The following MAP3K5 variants were observed in gnomAD, a reference collection of about 807,000 sequenced individuals.
MAP3K5 encodes the protein mitogen-activated protein kinase kinase kinase 5, also known as ASK-1.
MAP3K5 carries 56 observed loss-of-function variants against 158.7 expected under a neutral mutation model. The observed-to-expected ratio is 0.35, with a 90% CI of 0.28 to 0.44. MAP3K5 has a LOEUF of 0.44. Ranked by LOEUF, MAP3K5 falls within the 20% of genes least tolerant of loss-of-function variation. The pLI is 1.00. For missense variants in MAP3K5, 1,294 were observed against 1,674.8 expected (o/e 0.77, Z 3.97); for synonymous variants, 579 against 601.7 (o/e 0.96, Z 0.55).
intron 25 of MAP3K5, 73 bp from the exon 26 acceptor site, chr6:136,567,947 C>A (rs527982674): frequency 3.7e-4 from 543 of 1,479,026 alleles, no homozygotes; most frequent in Non-Finnish European, 4.8e-4. Flanking sequence ...GATATGAATG[C>A]TACCCTCCTG....
At chr6:136,668,187 C>G (rs1041032741) in intron 8 of MAP3K5, among the ~76,000 whole-genome samples, 15 of 152,094 alleles carry the variant, frequency 9.9e-5, no homozygotes, top group Non-Finnish European at 1.9e-4. Context: ...CAAGACCAGC[C>G]TGGGCAACAT....
In MAP3K5 at chr6:136,601,002, C is replaced by T. The variant is rs750961637; in HGVS notation, c.2878+20G>A. The T allele has an allele frequency of 1.4e-5, 22 of 1,613,292 alleles. No individual in the cohort carries two copies. The highest frequency in any genetic ancestry group is 1.8e-5 in the Non-Finnish European group (21 of 1,179,784). On this transcript the variant is annotated intron_variant, in intron 21 of 29. Coordinates refer to ENST00000359015, the MANE Select transcript of MAP3K5 (RefSeq NM_005923.4). ...AGACACCAGGTCTCAGCTCAATGGG[C>T]AAAGTAAAAACAAACTCACCATTTG... is the stretch of plus-strand genomic sequence containing the variant.
At chr6:136,779,442 CAAAA>C (rs35110376) in intron 1 of MAP3K5, among the ~76,000 whole-genome samples, 7 of 101,046 alleles carry the variant, frequency 6.9e-5, no homozygotes, top group African/African-American at 3.9e-5. Context: ...CACCCTGTCT[CAAAA>C]AAAAAAAAAA....
intron 17 of MAP3K5, among the ~76,000 whole-genome samples, chr6:136,611,683 C>A (rs1776353151): frequency 1.3e-5 from 2 of 152,150 alleles, no homozygotes; most frequent in Non-Finnish European, 2.9e-5. Context: ...TCCAAACTGC[C>A]CTTGGTCATT....
chr6:136,624,688 T>C (rs1277702190), intron 14 of MAP3K5, among the ~76,000 whole-genome samples: 1 of 152,040 alleles, frequency 6.6e-6, no homozygotes, highest in Non-Finnish European at 1.5e-5. Flanking sequence ...AAAAAGGAAA[T>C]GACCATGGGA....
At chr6:136,730,721 CAAAAAAAAAAAAA>C (rs377188561) in intron 1 of MAP3K5, among the ~76,000 whole-genome samples, 1 of 87,382 alleles carries the variant, frequency 1.1e-5, no homozygotes, top group African/African-American at 6.1e-5. Context: ...AACTCTGCCT[CAAAAAAAAAAAAA>C]AAAAAAAAAG....
At chr6:136,691,166 T>G (rs1405352854) in intron 7 of MAP3K5, among the ~76,000 whole-genome samples, 2 of 152,210 alleles carry the variant, frequency 1.3e-5, no homozygotes, top group Non-Finnish European at 1.5e-5. Flanking sequence ...TTTATGCTCC[T>G]TGGGTTTTGC....
intron 25 of MAP3K5, among the ~76,000 whole-genome samples, chr6:136,576,981 A>G (rs1290045432): frequency 6.6e-6 from 1 of 152,068 alleles, no homozygotes; most frequent in Non-Finnish European, 1.5e-5. Context: ...AGGCTCTGCC[A>G]TCTAGGTTTG....
At chr6:136,790,247 C>A (rs1431865945) in intron 1 of MAP3K5, among the ~76,000 whole-genome samples, 1 of 152,048 alleles carries the variant, frequency 6.6e-6, no homozygotes, top group Non-Finnish European at 1.5e-5. Context: ...AAGTTTCTTT[C>A]AAATTAGCTT....
intron 21 of MAP3K5, among the ~76,000 whole-genome samples, chr6:136,598,212 C>T (rs1214262831): frequency 6.6e-6 from 1 of 152,230 alleles, no homozygotes; most frequent in African/African-American, 2.4e-5. Flanking sequence ...TTCACACATC[C>T]TGGCATTAAC....
At chr6:136,567,953 TC>T (rs1774193128) in intron 25 of MAP3K5, 79 bp from the exon 26 acceptor site, 2 of 1,436,686 alleles carry the variant, frequency 1.4e-6, no homozygotes, top group Non-Finnish European at 1.9e-6. Context: ...AATGCTACCC[TC>T]CTGCCCCACC....
intron 23 of MAP3K5, among the ~76,000 whole-genome samples, chr6:136,591,287 T>G (rs936586048): frequency 6.6e-6 from 1 of 152,188 alleles, no homozygotes; most frequent in Admixed American, 6.6e-5. Flanking sequence ...GATGTGCACG[T>G]TAGGTTCATT....
At chr6:136,630,513 A>G (rs1163541941) in intron 14 of MAP3K5, among the ~76,000 whole-genome samples, 1 of 152,250 alleles carries the variant, frequency 6.6e-6, no homozygotes, top group Non-Finnish European at 1.5e-5. Flanking sequence ...GAAAAACAGC[A>G]GCAGCAGAAA....
chr6:136,617,895 T>C (rs886777229), intron 15 of MAP3K5, among the ~76,000 whole-genome samples: 15 of 152,130 alleles, frequency 9.9e-5, no homozygotes, highest in Non-Finnish European at 1.5e-4. Context: ...ATCGCGCCAC[T>C]GCACTCCAGC....
intron 6 of MAP3K5, among the ~76,000 whole-genome samples, chr6:136,695,641 G>A (rs938691985): frequency 3.3e-5 from 5 of 152,104 alleles, no homozygotes; most frequent in African/African-American, 1.2e-4. Context: ...TTTGCTTAAA[G>A]ATAACATCAT....
intron 1 of MAP3K5, among the ~76,000 whole-genome samples, chr6:136,770,731 T>C (rs1245475380): frequency 6.6e-6 from 1 of 152,146 alleles, no homozygotes; most frequent in Non-Finnish European, 1.5e-5. Context: ...TACTCCAGCC[T>C]GGGCAACACA....
chr6:136,682,674 A>G (rs1213864201), intron 7 of MAP3K5, among the ~76,000 whole-genome samples: 2 of 152,238 alleles, frequency 1.3e-5, no homozygotes, highest in South Asian at 2.1e-4. Context: ...TTTTGGCATT[A>G]TAACAAGAAA....
At chr6:136,632,638 A>C (rs141575896) in intron 14 of MAP3K5, among the ~76,000 whole-genome samples, 39 of 152,338 alleles carry the variant, frequency 2.6e-4, no homozygotes, top group African/African-American at 9.1e-4. Flanking sequence ...ATGATAGAGG[A>C]TGAAGACCTG....
chr6:136,616,297 CCTCTTTTT>C (rs1562549850), intron 15 of MAP3K5, among the ~76,000 whole-genome samples: 1 of 147,794 alleles, frequency 6.8e-6, no homozygotes, highest in Non-Finnish European at 1.5e-5. Context: ...CATACCTGCT[CCTCTTTTT>C]TTTTTTTTTT....
Sources: gnomAD v4.1 joint callset for allele counts (sites outside exome capture counted in the v4.1 genomes callset) on GRCh38, gnomAD v4.1.1 for gene constraint, MANE v1.5 for transcripts, NCBI Gene and HGNC (gene_info 2026-07-23, HGNC 2026-07-21) for gene names.